Variants in CELSR1 observed in about 807,000 individuals in gnomAD.
CELSR1 encodes the protein adhesion G protein-coupled receptor C1.
A neutral mutation model predicts 249.1 loss-of-function variants in CELSR1; 110 were observed. That is an observed-to-expected ratio of 0.44 (90% CI 0.38 to 0.52). The LOEUF is 0.52. Ranked by LOEUF, CELSR1 falls within the 20% of genes least tolerant of loss-of-function variation. CELSR1 has a pLI of 0.00. For missense variants in CELSR1, 4,109 were observed against 4,296.4 expected (o/e 0.96, Z 1.22); for synonymous variants, 2,113 against 1,900.0 (o/e 1.11, Z -2.92).
At chr22:46,397,941 C>T (rs889651819) in intron 11 of CELSR1, 93 bp from the exon 12 acceptor site, 36 of 1,095,196 alleles carry the variant, frequency 3.3e-5, no homozygotes, top group East Asian at 1.8e-4. Flanking sequence ...CCTTGCGAGG[C>T]ATTCATCTGT....
intron 18 of CELSR1, 60 bp downstream of exon 18, chr22:46,389,230 C>A: frequency 7.0e-6 from 11 of 1,567,588 alleles, no homozygotes; most frequent in Non-Finnish European, 9.5e-6. Flanking sequence ...ACAGCACCCA[C>A]CCACGGGCAT....
Position 46,441,210 on chromosome 22 carries a change from T to C in CELSR1, c.4184-1799A>G, listed in dbSNP as rs2079744291. ...GATGGAACTGGGGGGACATCCAATG[T>C]GAGGATACTCAGTGCATAACCCAGC... On this transcript the variant is annotated intron_variant, in intron 2 of 34. Coordinates refer to ENST00000674500, the MANE Select transcript of CELSR1 (RefSeq NM_001378328.1). The surrounding 1 kb of genome is among the most constrained non-coding windows in gnomAD (Gnocchi z 6.1). Among the ~76,000 whole-genome samples, 1 of 150,066 alleles carries C rather than the reference T, an allele frequency of 6.7e-6. No individual in the cohort carries two copies. Among genetic ancestry groups the C allele is most frequent in the Admixed American group, 6.6e-5 (1 of 15,094 alleles).
chr22:46,375,325 G>A (rs2078907119), intron 24 of CELSR1, among the ~76,000 whole-genome samples: 1 of 152,058 alleles, frequency 6.6e-6, no homozygotes, highest in Admixed American at 6.5e-5. Context: ...GCCTCTCAAT[G>A]GGTGGTACCT....
At chr22:46,491,504 C>G (rs540025689) in intron 1 of CELSR1, among the ~76,000 whole-genome samples, 2 of 151,708 alleles carry the variant, frequency 1.3e-5, no homozygotes, top group East Asian at 3.9e-4. Flanking sequence ...ACCTTGTGAT[C>G]TGCCCACTTC....
chr22:46,404,744 C>T (rs1171677968), intron 9 of CELSR1, among the ~76,000 whole-genome samples: 3 of 152,076 alleles, frequency 2.0e-5, no homozygotes, highest in South Asian at 2.1e-4. Context: ...CTGCCTTGGC[C>T]TTCCAAAGTG....
In CELSR1 at chr22:46,399,953, G is replaced by T. The variant is rs368446396; in HGVS notation, c.5227-51C>A. On this transcript the variant is annotated intron_variant, in intron 9 of 34. Coordinates refer to ENST00000674500, the MANE Select transcript of CELSR1 (RefSeq NM_001378328.1). The surrounding 1 kb of genome is among the most constrained non-coding windows in gnomAD (Gnocchi z 5.0). ...TGATTGGTACAATGACAATGAAAGA[G>T]AAAACATTTTGCAGTCACTTAAACA... 1.3e-6 allele frequency: 2 copies of T among 1,574,076 alleles called. No homozygotes were observed. Among genetic ancestry groups the T allele is most frequent in the South Asian group, 2.3e-5 (2 of 87,812 alleles).
chr22:46,397,641 T>G (rs2079163732), intron 12 of CELSR1, 33 bp downstream of exon 12: 1 of 1,423,146 alleles, frequency 7.0e-7, no homozygotes. Context: ...GAGACCTCCC[T>G]GTCACTGAAG....
chr22:46,460,317 C>G (rs928359462), intron 2 of CELSR1, among the ~76,000 whole-genome samples: 3 of 152,270 alleles, frequency 2.0e-5, no homozygotes, highest in Admixed American at 1.3e-4. Flanking sequence ...AGCAAGGCAC[C>G]CAGGAAGCTT....
In CELSR1 at chr22:46,439,299, A is replaced by T; in HGVS notation, c.4296T>A (p.Pro1432=). Residue 1432 remains proline, a synonymous_variant, in exon 3 of 35, where the codon CCT becomes CCA. Transcript: ENST00000674500. The part of the protein sequence containing the change: ...LIGGFHCVCP[P]GEYERPYCEV... ...CACAGTAGGGCCTCTCATACTCGCC[A>T]GGAGGACACACGCAGTGGAAGCCGC... The T allele has an allele frequency of 1.9e-6, 3 of 1,614,136 alleles. No individual in the cohort carries two copies. The highest frequency in any genetic ancestry group is 2.7e-5 in the African/African-American group (2 of 75,056).
intron 20 of CELSR1, among the ~76,000 whole-genome samples, chr22:46,382,599 A>G (rs892813336): frequency 2.0e-5 from 3 of 152,160 alleles, no homozygotes; most frequent in Non-Finnish European, 2.9e-5. Context: ...TTCTATGCCC[A>G]TGTTCACAGC....
rs761387574 is a variant in CELSR1 at position 46,409,127 on chromosome 22, C to G, written c.5095G>C (p.Val1699Leu). 7 of 1,613,450 alleles carry G rather than the reference C, an allele frequency of 4.3e-6. No individual in the cohort carries two copies. Among genetic ancestry groups the G allele is most frequent in the Non-Finnish European group, 5.9e-6 (7 of 1,179,778 alleles). The change falls in exon 9 of 35, where the codon GTC (valine) becomes CTC (leucine). Residue 1699 changes from valine to leucine, a missense_variant. By Grantham distance (32) the Val-to-Leu change is conservative. Coordinates refer to ENST00000674500, the MANE Select transcript of CELSR1 (RefSeq NM_001378328.1). This position sits in a 1 kb window ranked among gnomAD's most constrained non-coding sequence, Gnocchi z 9.8. ...ATGTTCAGGTCACTCCAGGACACGACGCTCTCACCGCTGAAGAGCTGGGGG... is the reference window on the plus strand; with the variant it reads ...ATGTTCAGGTCACTCCAGGACACGAGGCTCTCACCGCTGAAGAGCTGGGGG... ...PHPQLFSGES[V>L]VSWSDLNIII...
rs145662702 is a variant in CELSR1, at chr22:46,445,097, G to A, written c.4184-5686C>T. ...TGTAATCCCAGCTACTTGGGAGGCTGAGGCAGGAGAATCCTTTGAACCCAG... is the reference window on the plus strand; with the variant it reads ...TGTAATCCCAGCTACTTGGGAGGCTAAGGCAGGAGAATCCTTTGAACCCAG... On this transcript the variant is annotated intron_variant, in intron 2 of 34. Transcript: ENST00000674500. This position sits in a 1 kb window ranked among gnomAD's most constrained non-coding sequence, Gnocchi z 4.4. Among the ~76,000 whole-genome samples the A allele has an allele frequency of 5.0e-3, 764 of 152,298 alleles. 7 individuals carry two copies. The highest frequency in any genetic ancestry group is 0.017 in the African/African-American group (721 of 41,564).
intron 1 of CELSR1, among the ~76,000 whole-genome samples, chr22:46,519,850 A>G (rs1432323534): frequency 6.7e-6 from 1 of 149,978 alleles, no homozygotes; most frequent in Non-Finnish European, 1.5e-5. Context: ...CAAGATTTAT[A>G]GTTCAGTACC....
intron 1 of CELSR1, among the ~76,000 whole-genome samples, chr22:46,514,830 A>G (rs926469): frequency 0.17 from 25,218 of 152,022 alleles, 2,890 homozygotes; most frequent in African/African-American, 0.33. Flanking sequence ...AAAGCTCTGG[A>G]GCTGCCACCC....
intron 2 of CELSR1, among the ~76,000 whole-genome samples, chr22:46,450,310 G>GC (rs1199924256): frequency 1.3e-5 from 2 of 152,386 alleles, no homozygotes; most frequent in East Asian, 1.9e-4. Context: ...ACTCGGCCCT[G>GC]CAAGGCAGGC....
At chr22:46,519,393 T>A (rs755190045) in intron 1 of CELSR1, among the ~76,000 whole-genome samples, 28 of 152,206 alleles carry the variant, frequency 1.8e-4, no homozygotes, top group Non-Finnish European at 3.7e-4. Flanking sequence ...TGTGTACTGG[T>A]GGTTTTGGAC....
intron 9 of CELSR1, among the ~76,000 whole-genome samples, chr22:46,400,755 C>G (rs2079202722): frequency 6.6e-6 from 1 of 152,094 alleles, no homozygotes; most frequent in Non-Finnish European, 1.5e-5. Flanking sequence ...AGGTCAAGGC[C>G]AGCCTGGCAA....
At chr22:46,425,093 T>C (rs1397846921) in intron 5 of CELSR1, among the ~76,000 whole-genome samples, 1 of 152,268 alleles carries the variant, frequency 6.6e-6, no homozygotes, top group Non-Finnish European at 1.5e-5. Context: ...AAGTATTCCC[T>C]GTTCCATGGT....
Position 46,377,166 on chromosome 22 carries a change from G to A in CELSR1, c.7479C>T (p.Val2493=), listed in dbSNP as rs913198355. 4 of 1,613,748 alleles carry A rather than the reference G, an allele frequency of 2.5e-6. No individual in the cohort carries two copies. The African/African-American group carries it at 4.0e-5, about 16-fold the overall frequency. The change falls in exon 24 of 35, where the codon GTC becomes GTT. Residue 2493 remains valine, a synonymous_variant. Transcript: ENST00000674500. ...TGTGCAGGTTGGAGCGCAGCATGCG[G>A]ACCAGGCTCAGGAGGACGAAGGCCA... ...LLVAFVLLSL[V]RMLRSNLHSI... is the part of the protein sequence containing the mutation.
Sources: allele counts gnomAD v4.1 joint callset (sites outside exome capture counted in the v4.1 genomes callset), GRCh38; gene constraint gnomAD v4.1.1; non-coding constraint Gnocchi (gnomAD v3.1); transcripts MANE v1.5; gene names NCBI Gene and HGNC (gene_info 2026-07-23, HGNC 2026-07-21).